Variants in SKIC3 observed in about 807,000 individuals in gnomAD.
The protein encoded by SKIC3 is SKI3 subunit of superkiller complex.
At chr5:95,547,399 T>C in the SKIC3 span, among the ~76,000 whole-genome samples, 2 of 152,130 alleles carry the variant, frequency 1.3e-5, no homozygotes, top group African/African-American at 4.8e-5. Context: ...ATCCCCCTAC[T>C]CTCAACAACC....
At chr5:95,520,633 C>A in the SKIC3 span, 2 of 1,057,406 alleles carry the variant, frequency 1.9e-6, no homozygotes, top group Non-Finnish European at 2.8e-6. Context: ...CTATATCTAG[C>A]AGAATACATA....
the SKIC3 span, chr5:95,536,440 A>G: frequency 4.1e-6 from 1 of 243,200 alleles, no homozygotes; most frequent in Non-Finnish European, 8.0e-6. Flanking sequence ...CACTATAACA[A>G]GCAAACCTAT....
chr5:95,476,001 T>C, the SKIC3 span, among the ~76,000 whole-genome samples: 6 of 152,230 alleles, frequency 3.9e-5, no homozygotes, highest in East Asian at 3.8e-4. Context: ...CCTCTGATCA[T>C]TCACTCCATG....
the SKIC3 span, chr5:95,524,584 T>G: frequency 6.2e-7 from 1 of 1,613,448 alleles, no homozygotes; most frequent in Non-Finnish European, 8.5e-7. Flanking sequence ...TCAAGAGCTC[T>G]CTGAAAACTA....
the SKIC3 span, chr5:95,525,568 T>A: frequency 6.2e-7 from 1 of 1,614,014 alleles, no homozygotes; most frequent in Non-Finnish European, 8.5e-7. Context: ...AAATGCTCAG[T>A]TTGAATAAAA....
chr5:95,501,155 CA>C, the SKIC3 span, among the ~76,000 whole-genome samples: 1 of 150,850 alleles, frequency 6.6e-6, no homozygotes, highest in African/African-American at 2.4e-5. Flanking sequence ...ATATTGATAA[CA>C]AAAAAAAGGA....
chr5:95,516,985 T>C, the SKIC3 span: 1 of 1,613,386 alleles, frequency 6.2e-7, no homozygotes, highest in African/African-American at 1.3e-5. Flanking sequence ...GATGTTGTGC[T>C]TGGCGATAAT....
the SKIC3 span, among the ~76,000 whole-genome samples, chr5:95,527,324 T>C: frequency 6.6e-6 from 1 of 152,142 alleles, no homozygotes; most frequent in African/African-American, 2.4e-5. Context: ...ACATTATTGG[T>C]GGGATGGCAA....
the SKIC3 span, among the ~76,000 whole-genome samples, chr5:95,479,152 C>T: frequency 2.0e-5 from 3 of 151,984 alleles, no homozygotes; most frequent in African/African-American, 4.8e-5. Context: ...GGAAAGTCAA[C>T]GTATAAAAAT....
the SKIC3 span, among the ~76,000 whole-genome samples, chr5:95,477,415 A>G: frequency 6.6e-6 from 1 of 152,226 alleles, no homozygotes; most frequent in African/African-American, 2.4e-5. Flanking sequence ...AGTAACTAAC[A>G]TTCTCATGGA....
the SKIC3 span, among the ~76,000 whole-genome samples, chr5:95,505,855 C>T: frequency 6.6e-6 from 1 of 151,166 alleles, no homozygotes; most frequent in Non-Finnish European, 1.5e-5. Flanking sequence ...AGCAAGCTGA[C>T]AGAATTTTAA....
chr5:95,513,528 T>G, the SKIC3 span: 1 of 1,589,508 alleles, frequency 6.3e-7, no homozygotes, highest in South Asian at 1.1e-5. Context: ...GGATAACACT[T>G]TTCTCATTAA....
the SKIC3 span, chr5:95,525,354 A>G: frequency 1.9e-6 from 3 of 1,552,866 alleles, no homozygotes; most frequent in African/African-American, 2.7e-5. Context: ...AAATATAAAG[A>G]ACTAAGATGT....
the SKIC3 span, among the ~76,000 whole-genome samples, chr5:95,477,639 T>G: frequency 6.6e-6 from 1 of 152,234 alleles, no homozygotes; most frequent in African/African-American, 2.4e-5. Context: ...GCCATTATAT[T>G]TCTTATATAT....
chr5:95,498,526 T>C, the SKIC3 span: 2 of 1,614,242 alleles, frequency 1.2e-6, no homozygotes, highest in Non-Finnish European at 1.7e-6. Context: ...TGTAGCATCC[T>C]GCATTGCCAA....
chr5:95,525,638 A>G, the SKIC3 span: 1 of 1,614,086 alleles, frequency 6.2e-7, no homozygotes, highest in East Asian at 2.2e-5. Flanking sequence ...AGCTTTTGAG[A>G]ACCAAAAGTC....
chr5:95,464,939 T>TTTTA, the SKIC3 span, among the ~76,000 whole-genome samples: 1 of 148,404 alleles, frequency 6.7e-6, no homozygotes, highest in Non-Finnish European at 1.5e-5. Context: ...TTTTTTTTTT[T>TTTTA]TTTTGGACGG....
the SKIC3 span, among the ~76,000 whole-genome samples, chr5:95,510,510 T>C: frequency 1.3e-5 from 2 of 152,164 alleles, no homozygotes; most frequent in African/African-American, 4.8e-5. Context: ...GGGGATAACA[T>C]CACTATTCAG....
At chr5:95,499,154 T>C in the SKIC3 span, among the ~76,000 whole-genome samples, 4 of 152,224 alleles carry the variant, frequency 2.6e-5, no homozygotes, top group Admixed American at 6.5e-5. Flanking sequence ...CTAAGTGATA[T>C]GGTTTGGACC....
Sources: allele counts gnomAD v4.1 joint callset (sites outside exome capture counted in the v4.1 genomes callset), GRCh38; gene constraint gnomAD v4.1.1; transcripts MANE v1.5; gene names NCBI Gene and HGNC (gene_info 2026-07-23, HGNC 2026-07-21).